Variants in IL1RAPL1 observed in about 807,000 individuals in gnomAD.
The protein encoded by IL1RAPL1 is interleukin 1 receptor accessory protein like 1.
In IL1RAPL1, 3 loss-of-function variants were observed where a neutral mutation model predicts 48.4. The observed-to-expected ratio is 0.06, with a 90% CI of 0.03 to 0.16. The LOEUF (loss-of-function observed/expected upper bound fraction) is 0.16, where lower values mean the gene tolerates loss of function less well. Ranked by LOEUF, IL1RAPL1 falls within the 10% of genes least tolerant of loss-of-function variation. IL1RAPL1 has a pLI of 1.00. For missense variants in IL1RAPL1, 349 were observed against 530.6 expected (o/e 0.66, Z 3.36); for synonymous variants, 185 against 187.7 (o/e 0.99, Z 0.12).
chrX:29,651,902 G>C (rs988950535), intron 5 of IL1RAPL1, among the ~76,000 whole-genome samples: 4 of 111,538 alleles, frequency 3.6e-5, no homozygotes, highest in African/African-American at 1.3e-4. Flanking sequence ...AATGTTATCT[G>C]TCAATTTAAT....
At chrX:29,272,046 A>G (rs1254135548) in intron 2 of IL1RAPL1, among the ~76,000 whole-genome samples, 1 of 111,632 alleles carries the variant, frequency 9.0e-6, no homozygotes, top group Non-Finnish European at 1.9e-5. Context: ...TAGGCGTTAC[A>G]TTTAAGTCTT....
chrX:29,266,179 C>T (rs890173772), intron 2 of IL1RAPL1, among the ~76,000 whole-genome samples: 11 of 111,305 alleles, frequency 9.9e-5, no homozygotes, highest in Non-Finnish European at 1.3e-4. Flanking sequence ...ATATTTATTG[C>T]GGCACTATTC....
At chrX:29,210,870 C>T (rs962823950) in intron 2 of IL1RAPL1, among the ~76,000 whole-genome samples, 2 of 112,215 alleles carry the variant, frequency 1.8e-5, no homozygotes, top group African/African-American at 6.5e-5. Flanking sequence ...TTCTTCAGCT[C>T]TATATGAATA....
rs185526296 is a variant in IL1RAPL1, at chrX:29,213,124, G to A, written c.83-69814G>A. On this transcript the variant is annotated intron_variant, in intron 2 of 10. Transcript: ENST00000378993. Reference sequence around the variant, plus strand: ...AATGATTCTCCTGCCTCAGCCTCCCGAGTAGCTGGGATTACAGGCATCCAC... The same window carrying A: ...AATGATTCTCCTGCCTCAGCCTCCCAAGTAGCTGGGATTACAGGCATCCAC... Among the ~76,000 whole-genome samples, 25 of 110,974 alleles carry A rather than the reference G, an allele frequency of 2.3e-4. No homozygotes were observed. In the East Asian group the frequency reaches 6.2e-3, roughly 28 times the overall value.
chrX:29,795,369 C>T (rs1173780173), intron 6 of IL1RAPL1, among the ~76,000 whole-genome samples: 1 of 111,997 alleles, frequency 8.9e-6, no homozygotes. Context: ...CTCTCAGATA[C>T]TCAAATAATG....
At chrX:28,918,330 CTTT>C (rs1031812881) in intron 2 of IL1RAPL1, among the ~76,000 whole-genome samples, 2 of 112,106 alleles carry the variant, frequency 1.8e-5, no homozygotes, top group African/African-American at 6.5e-5. Flanking sequence ...AAAGAACAAA[CTTT>C]TTCTTAGTAA....
chrX:29,743,535 G>C (rs1928260432), intron 6 of IL1RAPL1, among the ~76,000 whole-genome samples: 1 of 111,092 alleles, frequency 9.0e-6, no homozygotes, highest in Non-Finnish European at 1.9e-5. Context: ...TGCCAGGCTG[G>C]AGTGCAGTGG....
At chrX:29,550,678 T>A (rs1161672795) in intron 5 of IL1RAPL1, among the ~76,000 whole-genome samples, 1 of 111,776 alleles carries the variant, frequency 8.9e-6, no homozygotes. Context: ...CATGGCATTG[T>A]ACAGTTGATG....
intron 2 of IL1RAPL1, among the ~76,000 whole-genome samples, chrX:28,898,659 G>T (rs1241516944): frequency 9.0e-6 from 1 of 111,266 alleles, no homozygotes; most frequent in African/African-American, 3.3e-5. Context: ...TAATAGAAAG[G>T]ACTGGTGCTC....
intron 3 of IL1RAPL1, among the ~76,000 whole-genome samples, chrX:29,344,882 C>T (rs984903537): frequency 4.4e-5 from 5 of 112,418 alleles, no homozygotes; most frequent in Non-Finnish European, 7.5e-5. Context: ...GTGATCTGCC[C>T]GCCTTGGCCT....
At chrX:29,018,023 C>T (rs746999691) in intron 2 of IL1RAPL1, among the ~76,000 whole-genome samples, 10 of 111,257 alleles carry the variant, frequency 9.0e-5, no homozygotes, top group Non-Finnish European at 1.9e-4. Flanking sequence ...AAAAGAATCT[C>T]GATTTGTAGG....
At chrX:29,587,976 T>C (rs1016346733) in intron 5 of IL1RAPL1, among the ~76,000 whole-genome samples, 4 of 112,532 alleles carry the variant, frequency 3.6e-5, no homozygotes, top group Non-Finnish European at 7.5e-5. Context: ...AGTGCTACTA[T>C]TTGGCTCCAA....
At chrX:29,767,996 C>CT (rs1928957074) in intron 6 of IL1RAPL1, among the ~76,000 whole-genome samples, 1 of 111,256 alleles carries the variant, frequency 9.0e-6, no homozygotes, top group African/African-American at 3.3e-5. Context: ...GTCTTCCAAG[C>CT]TTTTATTCAC....
At chrX:29,399,677 G>A (rs1310541531) in intron 5 of IL1RAPL1, among the ~76,000 whole-genome samples, 1 of 110,806 alleles carries the variant, frequency 9.0e-6, no homozygotes, top group Non-Finnish European at 1.9e-5. Flanking sequence ...AAATTAGCCA[G>A]GCGTGGTGGT....
chrX:29,587,346 G>T (rs1192116594), intron 5 of IL1RAPL1, among the ~76,000 whole-genome samples: 4 of 93,001 alleles, frequency 4.3e-5, no homozygotes, highest in African/African-American at 1.6e-4. Flanking sequence ...ACAGAGAGTA[G>T]AATGGTGGTT....
At chrX:29,321,789 G>A (rs1373832862) in intron 3 of IL1RAPL1, among the ~76,000 whole-genome samples, 3 of 111,266 alleles carry the variant, frequency 2.7e-5, no homozygotes, top group Non-Finnish European at 3.8e-5. Context: ...TTTTAGGGAC[G>A]CTTGCAGAAA....
chrX:28,961,629 T>C (rs1467451498), intron 2 of IL1RAPL1, among the ~76,000 whole-genome samples: 1 of 111,394 alleles, frequency 9.0e-6, no homozygotes, highest in Non-Finnish European at 1.9e-5. Flanking sequence ...ATTAGTTTGC[T>C]GAGGATGATG....
At chrX:29,289,525 C>G (rs1054338241) in intron 3 of IL1RAPL1, among the ~76,000 whole-genome samples, 1 of 111,775 alleles carries the variant, frequency 8.9e-6, no homozygotes, top group Non-Finnish European at 1.9e-5. Flanking sequence ...CTTTATATGT[C>G]TTTTTAAAGA....
At chrX:29,791,383 A>G (rs1929629167) in intron 6 of IL1RAPL1, among the ~76,000 whole-genome samples, 1 of 109,367 alleles carries the variant, frequency 9.1e-6, no homozygotes. Context: ...AAATTAATTT[A>G]TTGAAGCATT....
Sources: gnomAD v4.1 joint callset for allele counts (sites outside exome capture counted in the v4.1 genomes callset) on GRCh38, gnomAD v4.1.1 for gene constraint, MANE v1.5 for transcripts, NCBI Gene and HGNC (gene_info 2026-07-23, HGNC 2026-07-21) for gene names.